The following KCNIP4 variants were observed in gnomAD, a reference collection of about 807,000 sequenced individuals.
The protein encoded by KCNIP4 is Kv channel-interacting protein 4.
In KCNIP4, 12 loss-of-function variants were observed where a neutral mutation model predicts 34.0. That is an observed-to-expected ratio of 0.35 (90% confidence interval 0.23 to 0.57). The LOEUF (loss-of-function observed/expected upper bound fraction) is 0.57, where lower values mean the gene tolerates loss of function less well. KCNIP4 is among the 20% of genes least tolerant of loss of function. The probability of loss-of-function intolerance (pLI) is 0.83; values close to 1 mark genes in which losing one functional copy is unlikely to be tolerated. For missense variants in KCNIP4, 238 were observed against 311.7 expected (o/e 0.76, Z 1.78); for synonymous variants, 124 against 102.2 (o/e 1.21, Z -1.29).
chr4:20,970,150 C>A (rs577427771), intron 1 of KCNIP4, among the ~76,000 whole-genome samples: 1 of 152,062 alleles, frequency 6.6e-6, no homozygotes, highest in South Asian at 2.1e-4. Context: ...ACCGTGTTAG[C>A]CAGGATGGTC....
intron 1 of KCNIP4, among the ~76,000 whole-genome samples, chr4:21,073,504 T>C (rs1229346070): frequency 6.6e-6 from 1 of 152,250 alleles, no homozygotes; most frequent in Non-Finnish European, 1.5e-5. Context: ...GAGACTTTGC[T>C]GAAGTTGCTT....
chr4:21,580,131 C>A (rs358835), intron 1 of KCNIP4, among the ~76,000 whole-genome samples: 132,896 of 152,136 alleles, frequency 0.87, 58,323 homozygotes, highest in East Asian at 0.99. Flanking sequence ...TTTATCTAGA[C>A]TACTTAAACA....
At chr4:21,051,125 T>C (rs548676916) in intron 1 of KCNIP4, among the ~76,000 whole-genome samples, 6 of 152,238 alleles carry the variant, frequency 3.9e-5, no homozygotes, top group Non-Finnish European at 7.3e-5. Flanking sequence ...CCATGTTTTA[T>C]TCATGGTTGT....
intron 1 of KCNIP4, among the ~76,000 whole-genome samples, chr4:21,337,675 G>A (rs1716313873): frequency 6.6e-6 from 1 of 152,068 alleles, no homozygotes; most frequent in Admixed American, 6.5e-5. Flanking sequence ...GCTTCAACTG[G>A]CTATGCTAGA....
chr4:21,472,011 G>A (rs1214887037), intron 1 of KCNIP4, among the ~76,000 whole-genome samples: 1 of 152,158 alleles, frequency 6.6e-6, no homozygotes, highest in Non-Finnish European at 1.5e-5. Flanking sequence ...TTCTTGGCAT[G>A]AATTCACTTT....
intron 1 of KCNIP4, among the ~76,000 whole-genome samples, chr4:21,798,344 G>A (rs542148713): frequency 3.9e-4 from 58 of 149,286 alleles, no homozygotes; most frequent in Non-Finnish European, 7.3e-4. Flanking sequence ...TTGAGCTCAG[G>A]AATTCAAGAC....
chr4:21,939,346 T>C (rs542571975), intron 1 of KCNIP4, among the ~76,000 whole-genome samples: 8 of 152,252 alleles, frequency 5.3e-5, no homozygotes, highest in Non-Finnish European at 2.9e-5. Context: ...AGTGTTAGTA[T>C]TTATTACCTT....
intron 3 of KCNIP4, among the ~76,000 whole-genome samples, chr4:20,801,273 C>T (rs1404921787): frequency 2.1e-5 from 3 of 145,604 alleles, no homozygotes; most frequent in East Asian, 2.0e-4. Flanking sequence ...AAAAGAAGTG[C>T]TTAAGGAAGT....
chr4:21,288,103 G>A (rs953194408), intron 1 of KCNIP4, among the ~76,000 whole-genome samples: 1 of 152,076 alleles, frequency 6.6e-6, no homozygotes, highest in Non-Finnish European at 1.5e-5. Flanking sequence ...TTTTCTACCA[G>A]TGGCAAGATT....
intron 2 of KCNIP4, among the ~76,000 whole-genome samples, chr4:20,870,150 C>T (rs781723418): frequency 2.0e-5 from 3 of 152,044 alleles, no homozygotes; most frequent in Admixed American, 6.6e-5. Flanking sequence ...GGTTTGGCTG[C>T]GTGTGCCCAC....
At chr4:21,013,308 C>T (rs1453626433) in intron 1 of KCNIP4, among the ~76,000 whole-genome samples, 1 of 152,052 alleles carries the variant, frequency 6.6e-6, no homozygotes, top group African/African-American at 2.4e-5. Context: ...TGAAGACTTT[C>T]AGGGAGGTAG....
chr4:21,464,917 A>G (rs937325871), intron 1 of KCNIP4, among the ~76,000 whole-genome samples: 1 of 152,066 alleles, frequency 6.6e-6, no homozygotes, highest in African/African-American at 2.4e-5. Context: ...CCCCTCTACG[A>G]CCATGGAAAA....
At chr4:20,736,820 C>T (rs1749739220) in intron 5 of KCNIP4, among the ~76,000 whole-genome samples, 1 of 152,138 alleles carries the variant, frequency 6.6e-6, no homozygotes. Context: ...TTGTCAAATT[C>T]ATATTGCAAG....
chr4:21,519,586 A>ATGTGTACACATATGTG lies in KCNIP4; in HGVS notation c.61+428984_61+428985insCACATATGTGTACACA, dbSNP rs1735234268. ...TGTATATATACACATATGTGTGTGTATGTATGTGTATATATACACATATGT... is the reference window on the plus strand; with the variant it reads ...TGTATATATACACATATGTGTGTGTATGTGTACACATATGTGTGTATGTGTATATATACACATATGT... On this transcript the variant is annotated intron_variant, in intron 1 of 8. Transcript: ENST00000382152. Among the ~76,000 whole-genome samples, 6 of 21,852 alleles carry ATGTGTACACATATGTG rather than the reference A, an allele frequency of 2.7e-4. 2 individuals carry two copies. The South Asian group carries it at 0.015, about 54-fold the overall frequency. The allele number at this position is 21,852 out of a possible 152,430, so 14.3% of individuals were successfully genotyped here. A position where few individuals can be genotyped will look rare whatever the true frequency, so the allele number is the denominator to read the frequency against.
At chr4:21,599,844 C>A (rs1577670338) in intron 1 of KCNIP4, among the ~76,000 whole-genome samples, 2 of 152,028 alleles carry the variant, frequency 1.3e-5, no homozygotes, top group East Asian at 3.9e-4. Flanking sequence ...TGGAGATAAC[C>A]TATAAATATT....
intron 1 of KCNIP4, among the ~76,000 whole-genome samples, chr4:21,105,132 G>T (rs977755828): frequency 6.6e-6 from 1 of 151,630 alleles, no homozygotes; most frequent in Non-Finnish European, 1.5e-5. Flanking sequence ...ATTCTGTGAA[G>T]AAAGTCATTG....
chr4:21,597,518 A>G (rs909920618), intron 1 of KCNIP4, among the ~76,000 whole-genome samples: 2 of 152,270 alleles, frequency 1.3e-5, no homozygotes, highest in East Asian at 3.9e-4. Flanking sequence ...GATGAAAGCC[A>G]GGCTTGTCTC....
At position 20,947,081 on chromosome 4, in the gene KCNIP4, G is replaced by C. The variant is rs74819985; in HGVS notation, c.62-64372C>G. 6.5e-3 allele frequency among the ~76,000 whole-genome samples: 989 copies of C among 152,240 alleles called. 8 individuals carry two copies. Among genetic ancestry groups the C allele is most frequent in the African/African-American group, 0.022 (934 of 41,536 alleles). ...GCTCCCCTAAGCTCCCCTTAGTCTT[G>C]AGGGATCAGTGCAAAGTCTGTTTCC... On this transcript the variant is annotated intron_variant, in intron 1 of 8. Coordinates refer to ENST00000382152, the MANE Select transcript of KCNIP4 (RefSeq NM_025221.6).
intron 1 of KCNIP4, among the ~76,000 whole-genome samples, chr4:21,073,126 T>C (rs1242259424): frequency 2.0e-5 from 3 of 152,140 alleles, no homozygotes; most frequent in East Asian, 1.9e-4. Flanking sequence ...CTTGGCAATG[T>C]GGGCTCTTTT....
Sources: allele counts gnomAD v4.1 joint callset (sites outside exome capture counted in the v4.1 genomes callset), GRCh38; gene constraint gnomAD v4.1.1; transcripts MANE v1.5; gene names NCBI Gene and HGNC (gene_info 2026-07-23, HGNC 2026-07-21).